Variants in KATNB1 observed in about 807,000 individuals in gnomAD.
The protein encoded by KATNB1 is katanin regulatory subunit B1, also known as katanin p80 WD40 repeat-containing subunit B1.
In KATNB1, 38 loss-of-function variants were observed where a neutral mutation model predicts 82.3. The ratio of observed to expected loss-of-function variants is 0.46; its 90% confidence interval spans 0.36 to 0.61. KATNB1 has a LOEUF of 0.61. KATNB1 is among the 20% of genes least tolerant of loss of function. KATNB1 has a pLI of 0.00. For synonymous variants in KATNB1, 361 were observed against 368.7 expected, an observed-to-expected ratio of 0.98 and a Z score of 0.24; for missense variants, 749 against 915.7, an observed-to-expected ratio of 0.82 and a Z score of 2.35.
intron 4 of KATNB1, among the ~76,000 whole-genome samples, chr16:57,750,352 G>A: frequency 6.6e-6 from 1 of 152,214 alleles, no homozygotes; most frequent in Non-Finnish European, 1.5e-5. Context: ...GTTGTTGGCA[G>A]GACGCAGTGG....
intron 19 of KATNB1, 157 bp from the exon 20 acceptor site, chr16:57,756,657 G>A: frequency 7.6e-7 from 1 of 1,315,038 alleles, no homozygotes; most frequent in East Asian, 2.5e-5. Flanking sequence ...TGGCCTGGCT[G>A]TGCCCACAAT....
chr16:57,751,517 C>G lies in KATNB1; in HGVS notation c.433-124C>G, dbSNP rs552486526. 9.4e-5 allele frequency: 99 copies of G among 1,048,130 alleles called. No individual in the cohort carries two copies. The highest frequency in any genetic ancestry group is 1.4e-4 in the Non-Finnish European group (93 of 686,006). The allele number at this position is 1,048,130 out of a possible 1,614,324, so 64.9% of individuals were successfully genotyped here. ...CTAGAGCCACGTTCATCAAACTGCT[C>G]CAAGCAGAACCAGGCGGGTAACCAG... On this transcript the variant is annotated intron_variant, in intron 6 of 19. Transcript: ENST00000379661. The surrounding 1 kb of genome is among the most constrained non-coding windows in gnomAD (Gnocchi z 6.3).
chr16:57,743,208 G>A (rs556085195), intron 3 of KATNB1, among the ~76,000 whole-genome samples: 3 of 152,304 alleles, frequency 2.0e-5, no homozygotes, highest in Admixed American at 6.5e-5. Context: ...CAGGAGAATC[G>A]CTTGAACCTG....
In KATNB1 at chr16:57,755,501, G is replaced by A; in HGVS notation, c.1566+7G>A. The A allele has an allele frequency of 1.2e-6, 2 of 1,611,406 alleles. No individual in the cohort carries two copies. Among genetic ancestry groups the A allele is most frequent in the Non-Finnish European group, 1.7e-6 (2 of 1,178,706 alleles). On this transcript the variant is annotated splice_region_variant and intron_variant, in intron 16 of 19. Transcript: ENST00000379661. ...GACCATGGGCGACATCAAGGCAAGT[G>A]CCCACCCTTGCACAGGGCCTCATCT...
In KATNB1 at chr16:57,742,971, A is replaced by C. The variant is rs1555580171; in HGVS notation, c.171+1154A>C. Among the ~76,000 whole-genome samples the C allele has an allele frequency of 2.0e-5, 3 of 152,016 alleles. No homozygotes were observed. In the South Asian group the frequency reaches 6.2e-4, roughly 32 times the overall value. ...CATCCCTTGCCAACCAGGGAGTATC[A>C]TTGTTGTGACTCTTGGTGAAATAAA... On this transcript the variant is annotated intron_variant, in intron 3 of 19. Coordinates refer to ENST00000379661, the MANE Select transcript of KATNB1 (RefSeq NM_005886.3).
chr16:57,756,542 G>A, intron 19 of KATNB1, 70 bp downstream of exon 19: 1 of 1,389,662 alleles, frequency 7.2e-7, no homozygotes, highest in Non-Finnish European at 1.0e-6. Flanking sequence ...TGGAGGCCTG[G>A]GCCCCTCTTA....
rs1484009151 is a variant in KATNB1 at position 57,744,357 on chromosome 16, C to G, written c.172-37C>G. 8 of 1,544,808 alleles carry G rather than the reference C, an allele frequency of 5.2e-6. No individual in the cohort carries two copies. In the Admixed American group the frequency reaches 1.3e-4, roughly 26 times the overall value. On this transcript the variant is annotated intron_variant, in intron 3 of 19. Transcript: ENST00000379661. ...TCAGGGCGCAACTGCAGGGGTCTGT[C>G]CAGCAGTGCACGGAAGCTGCTGCTC...
At chr16:57,753,761 C>T (rs562109303) in intron 12 of KATNB1, among the ~76,000 whole-genome samples, 184 bp from the exon 13 acceptor site, 2 of 152,176 alleles carry the variant, frequency 1.3e-5, no homozygotes, top group Non-Finnish European at 2.9e-5. Flanking sequence ...CCAGTCCCTG[C>T]CCTGCCAGGG....
At chr16:57,749,557 C>T (rs968921406) in intron 4 of KATNB1, among the ~76,000 whole-genome samples, 6 of 152,182 alleles carry the variant, frequency 3.9e-5, no homozygotes, top group African/African-American at 1.2e-4. Flanking sequence ...CCTATTGCAC[C>T]TTGGCTCAAA....
At chr16:57,737,927 C>T (rs1242821213) in intron 2 of KATNB1, among the ~76,000 whole-genome samples, 7 of 152,190 alleles carry the variant, frequency 4.6e-5, no homozygotes, top group African/African-American at 1.7e-4. Flanking sequence ...AATACTGAGA[C>T]ATTTTCAAAC....
rs1555585863 is a variant in KATNB1, at chr16:57,755,779, C to T, written c.1567-62C>T. ...ACATTCACGTTCGTACCCCCACCCTCACCCTCACAGGGCCACACTGTCCCC... is the reference window on the plus strand; with the variant it reads ...ACATTCACGTTCGTACCCCCACCCTTACCCTCACAGGGCCACACTGTCCCC... On this transcript the variant is annotated intron_variant, in intron 16 of 19. Coordinates refer to ENST00000379661, the MANE Select transcript of KATNB1 (RefSeq NM_005886.3). 9 of 1,488,530 alleles carry T rather than the reference C, an allele frequency of 6.0e-6. No individual in the cohort carries two copies. The South Asian group carries it at 1.2e-4, about 19-fold the overall frequency. The allele number at this position is 1,488,530 out of a possible 1,614,324, so 92.2% of individuals were successfully genotyped here.
chr16:57,755,637 C>G, intron 16 of KATNB1, 143 bp downstream of exon 16: 1 of 1,146,248 alleles, frequency 8.7e-7, no homozygotes, highest in Middle Eastern at 3.0e-4. Flanking sequence ...CCATCTGTTT[C>G]CGCCATCATC....
intron 4 of KATNB1, among the ~76,000 whole-genome samples, chr16:57,747,347 C>G (rs1362016700): frequency 6.6e-6 from 1 of 152,226 alleles, no homozygotes; most frequent in African/African-American, 2.4e-5. Flanking sequence ...TCTTCTGGGC[C>G]TCTCCTTGGT....
At chr16:57,740,290 G>A (rs1478990068) in intron 2 of KATNB1, among the ~76,000 whole-genome samples, 3 of 152,166 alleles carry the variant, frequency 2.0e-5, no homozygotes, top group African/African-American at 4.8e-5. Context: ...TGCCCCGACC[G>A]GCCCAGGAGG....
chr16:57,753,596 G>A (rs2148795519), intron 12 of KATNB1, 77 bp downstream of exon 12: 5 of 1,563,252 alleles, frequency 3.2e-6, no homozygotes, highest in East Asian at 2.3e-5. Flanking sequence ...AGGGTAGCCT[G>A]CTGTGGCTCC....
chr16:57,751,707 G>A lies in KATNB1; in HGVS notation c.499G>A (p.Asp167Asn), dbSNP rs1555583199. Reference protein sequence around the residue: ...PDGKWLASAADDHTVKLWDLT... With the variant: ...PDGKWLASAANDHTVKLWDLT... ...TGGGAAGTGGTTGGCGTCGGCCGCA[G>A]ATGACCACACCGTGAAGGTAGCTCC... Residue 167 changes from aspartate (D) to asparagine (N), a missense_variant, in exon 7 of 20, where the codon GAT (aspartate) becomes AAT (asparagine). This residue lies in a region of KATNB1 where 247 missense variants were observed against 349.4 expected (regional missense o/e 0.71). Transcript: ENST00000379661. The surrounding 1 kb of genome is among the most constrained non-coding windows in gnomAD (Gnocchi z 6.3). The A allele has an allele frequency of 4.3e-6, 7 of 1,610,394 alleles. No individual in the cohort carries two copies. The highest frequency in any genetic ancestry group is 5.1e-6 in the Non-Finnish European group (6 of 1,180,010).
At position 57,737,297 on chromosome 16, in the gene KATNB1, A is replaced by G; in HGVS notation, c.40+14A>G. 6 of 1,613,818 alleles carry G rather than the reference A, an allele frequency of 3.7e-6. No individual in the cohort carries two copies. The highest frequency in any genetic ancestry group is 3.4e-6 in the Non-Finnish European group (4 of 1,179,964). ...CCTGGAAGTTGCGTGAGTGGTTTTC[A>G]TTTTTCTTTATCACCCCATTTATTC... On this transcript the variant is annotated intron_variant, in intron 2 of 19. Coordinates refer to ENST00000379661, the MANE Select transcript of KATNB1 (RefSeq NM_005886.3).
Position 57,751,328 on chromosome 16 carries a change from C to G in KATNB1, c.432+26C>G, listed in dbSNP as rs1555583020. The G allele has an allele frequency of 6.2e-7, 1 of 1,607,720 alleles. No individual in the cohort carries two copies. Among genetic ancestry groups the G allele is most frequent in the Admixed American group, 1.7e-5 (1 of 59,990 alleles). Reference sequence around the variant, plus strand: ...GTAAGGATGCGCTCTGTCGGTGACTCCATGAGCACCTTGCGGGCATTGAGT... The same window carrying G: ...GTAAGGATGCGCTCTGTCGGTGACTGCATGAGCACCTTGCGGGCATTGAGT... On this transcript the variant is annotated intron_variant, in intron 6 of 19. Coordinates refer to ENST00000379661, the MANE Select transcript of KATNB1 (RefSeq NM_005886.3). The surrounding 1 kb of genome is among the most constrained non-coding windows in gnomAD (Gnocchi z 6.3).
At chr16:57,742,755 G>C (rs533517695) in intron 3 of KATNB1, among the ~76,000 whole-genome samples, 1 of 152,148 alleles carries the variant, frequency 6.6e-6, no homozygotes, top group Admixed American at 6.5e-5. Context: ...TTTTGGCTCT[G>C]CTAAAGCACC....
Sources: allele counts gnomAD v4.1 joint callset (sites outside exome capture counted in the v4.1 genomes callset), GRCh38; gene constraint gnomAD v4.1.1; regional missense constraint gnomAD v4.1.1; non-coding constraint Gnocchi (gnomAD v3.1); transcripts MANE v1.5; gene names NCBI Gene and HGNC (gene_info 2026-07-23, HGNC 2026-07-21).